Variants in CLSTN2 observed in about 807,000 individuals in gnomAD.
The protein encoded by CLSTN2 is calsyntenin-2.
Under a neutral mutation model 101.2 loss-of-function variants are expected in CLSTN2, and 48 were observed. The ratio of observed to expected loss-of-function variants is 0.47; its 90% CI spans 0.38 to 0.60. The LOEUF is 0.60. Among genes scored for constraint, CLSTN2 ranks in the 20% least tolerant of loss-of-function variants. The pLI, the probability that CLSTN2 is intolerant of heterozygous loss-of-function variation, is 0.00. For synonymous variants in CLSTN2, 481 were observed against 463.6 expected, an observed-to-expected ratio of 1.04 and a Z score of -0.48; for missense variants, 1,160 against 1,238.2, an observed-to-expected ratio of 0.94 and a Z score of 0.95.
intron 1 of CLSTN2, among the ~76,000 whole-genome samples, chr3:139,979,546 AT>A (rs538153527): frequency 7.7e-4 from 117 of 152,276 alleles, no homozygotes; most frequent in Non-Finnish European, 1.3e-3. Context: ...TTCTAAAAAA[AT>A]AATTTAAAAA....
chr3:140,158,485 C>T (rs949431893), intron 1 of CLSTN2, among the ~76,000 whole-genome samples: 2 of 152,066 alleles, frequency 1.3e-5, no homozygotes, highest in Admixed American at 6.6e-5. Context: ...GAATACAGCT[C>T]ATCAAGGAGA....
chr3:140,360,650 A>C (rs1305811629), intron 2 of CLSTN2, among the ~76,000 whole-genome samples: 1 of 152,210 alleles, frequency 6.6e-6, no homozygotes, highest in Non-Finnish European at 1.5e-5. Context: ...GAAAAAGCTC[A>C]TCCAAAACAA....
At chr3:140,241,866 T>TAC (rs1411022510) in intron 2 of CLSTN2, among the ~76,000 whole-genome samples, 1 of 120,084 alleles carries the variant, frequency 8.3e-6, no homozygotes, top group East Asian at 2.1e-4. Context: ...CACATATATA[T>TAC]ACACATATAT....
intron 8 of CLSTN2, among the ~76,000 whole-genome samples, chr3:140,490,022 G>A (rs1242022102): frequency 0.036 from 12 of 336 alleles, no homozygotes; most frequent in East Asian, 0.17. Flanking sequence ...ATGTGTGTGT[G>A]TGTGTGTGTG....
chr3:140,565,183 T>C (rs559955490), intron 16 of CLSTN2, among the ~76,000 whole-genome samples: 1 of 152,212 alleles, frequency 6.6e-6, no homozygotes, highest in Admixed American at 6.5e-5. Flanking sequence ...CCTTGTGATG[T>C]CAAAAGTCAA....
chr3:140,347,085 G>A (rs1455391033), intron 2 of CLSTN2, among the ~76,000 whole-genome samples: 1 of 152,104 alleles, frequency 6.6e-6, no homozygotes, highest in East Asian at 1.9e-4. Context: ...CTTTAAAGGG[G>A]CCCAGGTTCT....
chr3:140,067,927 G>T lies in CLSTN2; in HGVS notation c.110-108024G>T, dbSNP rs111543049. On this transcript the variant is annotated intron_variant, in intron 1 of 16. Coordinates refer to ENST00000458420, the MANE Select transcript of CLSTN2 (RefSeq NM_022131.3). ...GGTTGAAAGGAAAATGCTGCCTCTT[G>T]TCAGAAGTGTTGGTAGAATCTTGGC... 3.2e-3 allele frequency among the ~76,000 whole-genome samples: 490 copies of T among 152,320 alleles called. 5 individuals are homozygous for T. The highest frequency in any genetic ancestry group is 0.011 in the African/African-American group (459 of 41,566).
At chr3:139,973,879 T>C (rs1396771615) in intron 1 of CLSTN2, among the ~76,000 whole-genome samples, 3 of 152,124 alleles carry the variant, frequency 2.0e-5, no homozygotes, top group African/African-American at 7.2e-5. Context: ...GGATTCAATT[T>C]TCCCGCCTCG....
intron 1 of CLSTN2, among the ~76,000 whole-genome samples, chr3:140,111,729 T>C (rs2009159583): frequency 6.6e-6 from 1 of 152,170 alleles, no homozygotes; most frequent in Admixed American, 6.5e-5. Context: ...AGTCAAGGTA[T>C]AGTTGAAAAA....
intron 1 of CLSTN2, among the ~76,000 whole-genome samples, chr3:140,166,330 A>G (rs1219434625): frequency 6.6e-6 from 1 of 152,226 alleles, no homozygotes; most frequent in Non-Finnish European, 1.5e-5. Flanking sequence ...CAGAAGAGGA[A>G]GTTGAGCATG....
chr3:140,481,005 A>T lies in CLSTN2; in HGVS notation c.1344+14274A>T, dbSNP rs570512262. Among the ~76,000 whole-genome samples, 84 of 152,274 alleles carry T rather than the reference A, an allele frequency of 5.5e-4. 1 individual carries two copies. In the East Asian group the frequency reaches 0.012, roughly 22 times the overall value. On this transcript the variant is annotated intron_variant, in intron 8 of 16. Transcript: ENST00000458420. ...GTTGCCATTGCTTTTGGTGTTTTAG[A>T]CATGAAGTCCTTGCCCATGCCTATG...
At chr3:140,008,992 C>A (rs896651776) in intron 1 of CLSTN2, among the ~76,000 whole-genome samples, 2 of 152,208 alleles carry the variant, frequency 1.3e-5, no homozygotes, top group Admixed American at 1.3e-4. Flanking sequence ...TGGCCTCATG[C>A]ACACAGAAGC....
At chr3:140,096,482 G>A (rs958242019) in intron 1 of CLSTN2, among the ~76,000 whole-genome samples, 15 of 152,354 alleles carry the variant, frequency 9.8e-5, no homozygotes, top group Non-Finnish European at 1.6e-4. Context: ...GAAGTAAGGT[G>A]CTGGGAGAGA....
intron 9 of CLSTN2, among the ~76,000 whole-genome samples, chr3:140,535,324 C>T (rs145223362): frequency 0.017 from 2,659 of 152,262 alleles, 47 homozygotes; most frequent in Non-Finnish European, 0.02. Context: ...TTCCATTCCC[C>T]GGAAGATATT....
At chr3:140,442,373 G>T (rs1018569381) in intron 5 of CLSTN2, among the ~76,000 whole-genome samples, 1 of 152,074 alleles carries the variant, frequency 6.6e-6, no homozygotes, top group Non-Finnish European at 1.5e-5. Flanking sequence ...ATCTTAAAAT[G>T]CTTGCCCTGC....
intron 11 of CLSTN2, 181 bp downstream of exon 11, chr3:140,556,842 G>T (rs1328854635): frequency 8.3e-6 from 5 of 601,192 alleles, no homozygotes; most frequent in Non-Finnish European, 1.2e-5. Flanking sequence ...TCCTAAGCAA[G>T]ATGTTCTGTT....
At chr3:140,002,238 C>G (rs910838853) in intron 1 of CLSTN2, among the ~76,000 whole-genome samples, 1 of 152,084 alleles carries the variant, frequency 6.6e-6, no homozygotes, top group Non-Finnish European at 1.5e-5. Context: ...TATTGCGTGT[C>G]TTTTGGATAT....
intron 2 of CLSTN2, among the ~76,000 whole-genome samples, chr3:140,202,804 G>A (rs997925683): frequency 9.2e-5 from 14 of 152,266 alleles, no homozygotes; most frequent in Admixed American, 2.0e-4. Flanking sequence ...TAGAAGGAGC[G>A]TGGAAGAGAC....
chr3:140,484,553 G>C (rs1180542214), intron 8 of CLSTN2, among the ~76,000 whole-genome samples: 1 of 152,184 alleles, frequency 6.6e-6, no homozygotes, highest in African/African-American at 2.4e-5. Flanking sequence ...ATATCCTGCA[G>C]AGTGTTTTCC....
Sources: gnomAD v4.1 joint callset for allele counts (sites outside exome capture counted in the v4.1 genomes callset) on GRCh38, gnomAD v4.1.1 for gene constraint, MANE v1.5 for transcripts, NCBI Gene and HGNC (gene_info 2026-07-23, HGNC 2026-07-21) for gene names.